Variants in UST observed in about 807,000 individuals in gnomAD.
UST encodes the protein uronyl 2-sulfotransferase.
In UST, 21 loss-of-function variants were observed where a neutral mutation model predicts 45.6. The observed-to-expected ratio is 0.46, with a 90% CI of 0.33 to 0.66. The LOEUF (loss-of-function observed/expected upper bound fraction) is 0.66. Among genes scored for constraint, UST ranks in the 30% least tolerant of loss-of-function variants. The pLI is 0.02. For missense variants in UST, 463 were observed against 512.4 expected, an observed-to-expected ratio of 0.90 and a Z score of 0.93; for synonymous variants, 215 against 200.6, an observed-to-expected ratio of 1.07 and a Z score of -0.61.
chr6:148,868,457 G>GA (rs369636779), intron 1 of UST, among the ~76,000 whole-genome samples: 51,203 of 151,634 alleles, frequency 0.34, 9,496 homozygotes, highest in East Asian at 0.51. Flanking sequence ...ATTCAAAAGT[G>GA]AGTGACTCAC....
chr6:148,747,415 G>A lies in UST; in HGVS notation c.-16G>A. 1 of 1,394,902 alleles carries A rather than the reference G, an allele frequency of 7.2e-7. No homozygotes were observed. Among genetic ancestry groups the A allele is most frequent in the Non-Finnish European group, 9.3e-7 (1 of 1,070,606 alleles). The allele number at this position is 1,394,902 out of a possible 1,614,324, so 86.4% of individuals were successfully genotyped here. A position where few individuals can be genotyped will look rare whatever the true frequency, so the allele number is the denominator to read the frequency against. On this transcript the variant is annotated 5_prime_UTR_variant, in exon 1 of 8. Coordinates refer to ENST00000367463, the MANE Select transcript of UST (RefSeq NM_005715.3). ...TTCCTGGCACGGGCAGGCTGTGGGA[G>A]GCAGCGGAGCAGGCGATGAAGAAGA...
At chr6:148,984,702 G>T (rs1252028494) in intron 5 of UST, among the ~76,000 whole-genome samples, 2 of 152,114 alleles carry the variant, frequency 1.3e-5, no homozygotes, top group Non-Finnish European at 2.9e-5. Flanking sequence ...AGCGAATGGG[G>T]CCTTGCTGTG....
intron 2 of UST, among the ~76,000 whole-genome samples, chr6:148,904,866 C>G (rs1011082145): frequency 1.3e-5 from 2 of 152,126 alleles, no homozygotes; most frequent in African/African-American, 4.8e-5. Flanking sequence ...ACTGGGTGCT[C>G]CTGCTCAGAT....
chr6:148,969,861 G>A (rs1780879441), intron 5 of UST, among the ~76,000 whole-genome samples: 1 of 152,214 alleles, frequency 6.6e-6, no homozygotes, highest in Non-Finnish European at 1.5e-5. Context: ...AGCTGGAGAT[G>A]TGTTTTGATC....
chr6:148,926,480 G>T (rs992549086), intron 2 of UST, among the ~76,000 whole-genome samples: 2 of 152,190 alleles, frequency 1.3e-5, no homozygotes, highest in African/African-American at 2.4e-5. Flanking sequence ...TATCACTGGG[G>T]TCTACCTCTT....
At chr6:149,001,191 C>T (rs1224833566) in intron 5 of UST, among the ~76,000 whole-genome samples, 1 of 151,908 alleles carries the variant, frequency 6.6e-6, no homozygotes, top group Admixed American at 6.6e-5. Context: ...CCTGCGTCAG[C>T]CTCCTGAGTA....
chr6:148,770,706 C>T (rs550624766), intron 1 of UST, among the ~76,000 whole-genome samples: 3 of 152,240 alleles, frequency 2.0e-5, no homozygotes, highest in Middle Eastern at 3.4e-3. Flanking sequence ...TTGTCACGTG[C>T]ACCTCTTCCC....
In UST at chr6:149,017,799, TACACACACACACACAC is replaced by T. The variant is rs10533222; in HGVS notation, c.682-1316_682-1301del. On this transcript the variant is annotated intron_variant, in intron 5 of 7. Transcript: ENST00000367463. The stretch of plus-strand genomic sequence containing the variant: ...CATTGCAGCAATGAATATCCATATA[TACACACACACACACAC>T]ACACACACACACACACACACACATC... Among the ~76,000 whole-genome samples the T allele has an allele frequency of 3.4e-5, 5 of 148,916 alleles. No homozygotes were observed. In the East Asian group the frequency reaches 5.9e-4, roughly 18 times the overall value.
At chr6:148,870,082 C>T (rs1216556914) in intron 1 of UST, among the ~76,000 whole-genome samples, 1 of 137,720 alleles carries the variant, frequency 7.3e-6, no homozygotes, top group Non-Finnish European at 1.6e-5. Context: ...TAGCTTTCCC[C>T]CAGCTTCACA....
intron 1 of UST, among the ~76,000 whole-genome samples, chr6:148,831,062 AG>A (rs1238116210): frequency 7.1e-6 from 1 of 141,502 alleles, no homozygotes; most frequent in African/African-American, 2.5e-5. Context: ...AGAAAAAGAA[AG>A]AAAAGGGGGG....
At chr6:148,920,001 A>T (rs558479509) in intron 2 of UST, among the ~76,000 whole-genome samples, 1 of 152,250 alleles carries the variant, frequency 6.6e-6, no homozygotes, top group South Asian at 2.1e-4. Flanking sequence ...TTTCAAAATC[A>T]TAAGAGGTTC....
intron 1 of UST, among the ~76,000 whole-genome samples, chr6:148,752,182 T>C (rs965096198): frequency 6.6e-6 from 1 of 152,216 alleles, no homozygotes; most frequent in East Asian, 1.9e-4. Flanking sequence ...GTTATTGAAT[T>C]TGAAATTCTC....
intron 2 of UST, among the ~76,000 whole-genome samples, chr6:148,898,658 C>T (rs118007109): frequency 6.6e-6 from 1 of 152,186 alleles, no homozygotes; most frequent in Non-Finnish European, 1.5e-5. Flanking sequence ...TCTTCCTCCA[C>T]AAATGTTTAG....
intron 7 of UST, among the ~76,000 whole-genome samples, chr6:149,059,430 C>A (rs972015026): frequency 1.3e-5 from 2 of 152,238 alleles, no homozygotes; most frequent in African/African-American, 4.8e-5. Flanking sequence ...GCCATCAATG[C>A]CACCTCCTTG....
At chr6:148,906,137 T>C (rs764332301) in intron 2 of UST, among the ~76,000 whole-genome samples, 1 of 152,208 alleles carries the variant, frequency 6.6e-6, no homozygotes, top group African/African-American at 2.4e-5. Flanking sequence ...AGCGCGGTGC[T>C]GTAGGACGTG....
At chr6:148,879,952 C>CTTT (rs766758383) in intron 1 of UST, among the ~76,000 whole-genome samples, 3 of 119,854 alleles carry the variant, frequency 2.5e-5, no homozygotes, top group Non-Finnish European at 5.5e-5. Context: ...TTTTTTTTTT[C>CTTT]TTTTTTTTTT....
At chr6:148,980,617 C>T (rs915404869) in intron 5 of UST, among the ~76,000 whole-genome samples, 21 of 152,174 alleles carry the variant, frequency 1.4e-4, no homozygotes, top group South Asian at 8.3e-4. Context: ...CCCAAATAAA[C>T]GCTAATCCAA....
At position 148,870,367 on chromosome 6, in the gene UST, A is replaced by G. The variant is rs549651749; in HGVS notation, c.248-16619A>G. Among the ~76,000 whole-genome samples the G allele has an allele frequency of 4.5e-4, 69 of 152,330 alleles. 1 individual carries two copies. The South Asian group carries it at 0.014, about 32-fold the overall frequency. On this transcript the variant is annotated intron_variant, in intron 1 of 7. Transcript: ENST00000367463. Reference sequence around the variant, plus strand: ...CAACATTAAAGTTCTGCACGCATGTAAGCTCATTTCAGATGTGCCCCAATC... The same window carrying G: ...CAACATTAAAGTTCTGCACGCATGTGAGCTCATTTCAGATGTGCCCCAATC...
chr6:148,780,940 G>T (rs918935576), intron 1 of UST, among the ~76,000 whole-genome samples: 3 of 152,108 alleles, frequency 2.0e-5, no homozygotes, highest in African/African-American at 7.2e-5. Context: ...ATAAATATGT[G>T]TGTTCTGACT....
Sources: gnomAD v4.1 joint callset for allele counts (sites outside exome capture counted in the v4.1 genomes callset) on GRCh38, gnomAD v4.1.1 for gene constraint, MANE v1.5 for transcripts, NCBI Gene and HGNC (gene_info 2026-07-23, HGNC 2026-07-21) for gene names.